The following PCDHGA5 variants were observed in gnomAD, a reference collection of about 807,000 sequenced individuals.
PCDHGA5 encodes the protein protocadherin gamma subfamily A, 5.
In PCDHGA5, 36 loss-of-function variants were observed where a neutral mutation model predicts 56.7. The observed-to-expected ratio is 0.64, with a 90% CI of 0.49 to 0.84. The LOEUF (loss-of-function observed/expected upper bound fraction) is 0.84. PCDHGA5 is among the 40% of genes least tolerant of loss of function. PCDHGA5 has a pLI of 0.00. For synonymous variants in PCDHGA5, 563 were observed against 520.2 expected, an observed-to-expected ratio of 1.08 and a Z score of -1.12; for missense variants, 1,305 against 1,201.5, an observed-to-expected ratio of 1.09 and a Z score of -1.27.
Position 141,365,878 on chromosome 5 carries a change from T to C in PCDHGA5, c.1548T>C (p.Ala516=), listed in dbSNP as rs745332841. The C allele has an allele frequency of 2.5e-6, 4 of 1,614,104 alleles. No homozygotes were observed. The change falls in exon 1 of 4, where the codon GCT becomes GCC. Residue 516 remains alanine (A), a synonymous_variant. Coordinates refer to ENST00000518069, the MANE Select transcript of PCDHGA5 (RefSeq NM_018918.3). ...SINSDTGVLY[A]LRSFDYEQLR... ...ACTCTGACACCGGTGTCCTGTATGC[T>C]CTGAGATCCTTCGACTATGAGCAGT...
At chr5:141,465,649 A>C (rs1174371552) in intron 1 of PCDHGA5, among the ~76,000 whole-genome samples, 1 of 152,200 alleles carries the variant, frequency 6.6e-6, no homozygotes, top group African/African-American at 2.4e-5. Context: ...TGAACATCCC[A>C]AAAAAGCGCT....
At chr5:141,376,087 C>T in intron 1 of PCDHGA5, 3 of 1,613,656 alleles carry the variant, frequency 1.9e-6, no homozygotes, top group Non-Finnish European at 2.5e-6. Flanking sequence ...CCGACAGGAT[C>T]CCCGACATCC....
chr5:141,399,488 TAGTC>T (rs778579612), intron 1 of PCDHGA5: 12 of 1,613,904 alleles, frequency 7.4e-6, no homozygotes, highest in Admixed American at 1.7e-5. Flanking sequence ...GCGTCCTACT[TAGTC>T]AGTGTACCCG....
chr5:141,396,538 T>C (rs1352031358), intron 1 of PCDHGA5: 1 of 151,514 alleles, frequency 6.6e-6, no homozygotes, highest in Non-Finnish European at 1.5e-5. Flanking sequence ...AAGAATCACT[T>C]GAACCCGGGA....
chr5:141,366,751 G>T lies in PCDHGA5; in HGVS notation c.2421G>T (p.Gln807His). 6.2e-7 allele frequency: 1 copy of T among 1,607,656 alleles called. No individual in the cohort carries two copies. Among genetic ancestry groups the T allele is most frequent in the Non-Finnish European group, 8.5e-7 (1 of 1,175,416 alleles). The change falls in exon 1 of 4, where the codon CAG becomes CAT. Residue 807 changes from glutamine (Q) to histidine (H), a missense_variant and splice_region_variant. By Grantham distance (24) the Gln-to-His change is conservative (BLOSUM62 0). Transcript: ENST00000518069. ...VDANKEERRV[Q>H]QAPPNTDWRF... Reference sequence around the variant, plus strand: ...CAAACAAAGAAGAACGGCGAGTTCAGGTTAGTTTTCTCTTTCGGTAAGGAT... The same window carrying T: ...CAAACAAAGAAGAACGGCGAGTTCATGTTAGTTTTCTCTTTCGGTAAGGAT...
At chr5:141,433,406 T>C (rs2097604777) in intron 1 of PCDHGA5, among the ~76,000 whole-genome samples, 1 of 149,982 alleles carries the variant, frequency 6.7e-6, no homozygotes, top group Non-Finnish European at 1.5e-5. Flanking sequence ...TATCTATCTA[T>C]TACTTTCTTG....
Position 141,432,548 on chromosome 5 carries a change from G to T in PCDHGA5, c.2422-62259G>T, listed in dbSNP as rs1251651638. On this transcript the variant is annotated intron_variant, in intron 1 of 3. Coordinates refer to ENST00000518069, the MANE Select transcript of PCDHGA5 (RefSeq NM_018918.3). The surrounding 1 kb of genome is among the most constrained non-coding windows in gnomAD (Gnocchi z 6.0). ...GACCAAGGTGGTGGCGGTGGACAGA[G>T]ACTCCGGCCAGAACGCCTGGCTGTC... 1.9e-6 allele frequency: 3 copies of T among 1,613,998 alleles called. No homozygotes were observed. The South Asian group carries it at 3.3e-5, about 18-fold the overall frequency.
At chr5:141,372,583 G>A (rs1768892423) in intron 1 of PCDHGA5, 2 of 1,613,908 alleles carry the variant, frequency 1.2e-6, no homozygotes, top group Admixed American at 1.7e-5. Flanking sequence ...TTTCAGCCTG[G>A]TGTCTGCTTC....
chr5:141,443,136 C>T (rs910953831), intron 1 of PCDHGA5, among the ~76,000 whole-genome samples: 1 of 152,160 alleles, frequency 6.6e-6, no homozygotes, highest in African/African-American at 2.4e-5. Context: ...AGAACACTAT[C>T]ATAAGTTATA....
chr5:141,416,532 A>T (rs3806830), intron 1 of PCDHGA5: 1 of 152,142 alleles, frequency 6.6e-6, no homozygotes, highest in Non-Finnish European at 1.5e-5. Context: ...TCTTTAATGT[A>T]TAAGGAGGCA....
Position 141,476,464 on chromosome 5 carries a change from G to A in PCDHGA5, c.2422-18343G>A, listed in dbSNP as rs745664477. On this transcript the variant is annotated intron_variant, in intron 1 of 3. Transcript: ENST00000518069. This position sits in a 1 kb window ranked among gnomAD's most constrained non-coding sequence, Gnocchi z 7.6. ...TGGAGTTGGTAGTGGAGAACCCGCT[G>A]GAGCTGTTCAGCGTGGAAGTGGTGA... 3 of 1,614,140 alleles carry A rather than the reference G, an allele frequency of 1.9e-6. No homozygotes were observed. Among genetic ancestry groups the A allele is most frequent in the Non-Finnish European group, 2.5e-6 (3 of 1,180,014 alleles).
chr5:141,389,142 G>T (rs72790030), intron 1 of PCDHGA5: 5 of 1,613,968 alleles, frequency 3.1e-6, no homozygotes, highest in Non-Finnish European at 4.2e-6. Flanking sequence ...CAATATAACC[G>T]TTACGGCAAC....
At chr5:141,369,542 A>T (rs553503598) in intron 1 of PCDHGA5, among the ~76,000 whole-genome samples, 1 of 152,332 alleles carries the variant, frequency 6.6e-6, no homozygotes, top group South Asian at 2.1e-4. Context: ...TTTAATTAAA[A>T]GTAGACACTT....
At chr5:141,394,840 G>A in intron 1 of PCDHGA5, 3 of 1,613,834 alleles carry the variant, frequency 1.9e-6, no homozygotes, top group Non-Finnish European at 2.5e-6. Context: ...ACCGAGTTGG[G>A]CAGTCTGAAG....
chr5:141,414,526 G>T, intron 1 of PCDHGA5: 1 of 1,613,912 alleles, frequency 6.2e-7, no homozygotes, highest in Non-Finnish European at 8.5e-7. Flanking sequence ...AGATATCAAT[G>T]ACAACCCACC....
At chr5:141,498,973 GA>G (rs1161965842) in intron 2 of PCDHGA5, among the ~76,000 whole-genome samples, 8 of 11,660 alleles carry the variant, frequency 6.9e-4, no homozygotes, top group Admixed American at 4.8e-3. Flanking sequence ...GGGAGGGAGG[GA>G]AGGAAGGAAG....
chr5:141,415,819 TA>T, intron 1 of PCDHGA5: 2 of 1,328,322 alleles, frequency 1.5e-6, no homozygotes, highest in African/African-American at 1.5e-5. Context: ...CTATATATCA[TA>T]AGGCTTTGTT....
Position 141,365,120 on chromosome 5 carries a change from C to T in PCDHGA5, c.790C>T (p.Leu264=). The T allele has an allele frequency of 6.2e-7, 1 of 1,613,898 alleles. No homozygotes were observed. The highest frequency in any genetic ancestry group is 8.5e-7 in the Non-Finnish European group (1 of 1,179,876). The change falls in exon 1 of 4, where the codon CTA becomes TTA. Residue 264 remains leucine, a synonymous_variant. Coordinates refer to ENST00000518069, the MANE Select transcript of PCDHGA5 (RefSeq NM_018918.3). The stretch of plus-strand genomic sequence containing the variant: ...ACCTGTGGGCACTCGGCTGCTCATG[C>T]TAACCGCCACGGATCCAGATGAGGG... The part of the protein sequence containing the change: ...NIPVGTRLLM[L]TATDPDEGIN...
At chr5:141,389,596 C>T (rs768865727) in intron 1 of PCDHGA5, 2 of 1,613,132 alleles carry the variant, frequency 1.2e-6, no homozygotes, top group Non-Finnish European at 1.7e-6. Context: ...GACGGCTCTG[C>T]GCTCTTCGAT....
Sources: gnomAD v4.1 joint callset for allele counts (sites outside exome capture counted in the v4.1 genomes callset) on GRCh38, gnomAD v4.1.1 for gene constraint, Gnocchi (gnomAD v3.1) non-coding constraint, MANE v1.5 for transcripts, NCBI Gene and HGNC (gene_info 2026-07-23, HGNC 2026-07-21) for gene names.